Variants in CFAP119 observed in about 807,000 individuals in gnomAD.
CFAP119 encodes cilia- and flagella-associated protein 119.
the CFAP119 span, chr16:30,760,306 C>G: frequency 6.2e-7 from 1 of 1,614,186 alleles, no homozygotes; most frequent in Non-Finnish European, 8.5e-7. Context: ...TGTGAAGATC[C>G]TGGAGCAGGG....
the CFAP119 span, chr16:30,759,379 C>G: frequency 2.5e-6 from 4 of 1,614,174 alleles, no homozygotes; most frequent in Non-Finnish European, 3.4e-6. Flanking sequence ...CTTGAAGTGG[C>G]GGAAGTAAGT....
chr16:30,759,049 C>T, the CFAP119 span: 2 of 1,613,762 alleles, frequency 1.2e-6, no homozygotes, highest in South Asian at 1.1e-5. Context: ...TCTCTAGTTC[C>T]TCTTTCTGCG....
the CFAP119 span, chr16:30,761,574 C>CCGCTTT: frequency 6.5e-7 from 1 of 1,536,176 alleles, no homozygotes; most frequent in Middle Eastern, 1.7e-4. Context: ...GGGTCTTCAT[C>CCGCTTT]CGCTTTCGCC....
At chr16:30,757,816 AG>A in the CFAP119 span, 1 of 1,415,584 alleles carries the variant, frequency 7.1e-7, no homozygotes, top group Non-Finnish European at 9.2e-7. Flanking sequence ...CTTGTGTGAG[AG>A]GTAGTTGGGT....
chr16:30,760,586 A>G, the CFAP119 span: 2 of 1,562,358 alleles, frequency 1.3e-6, no homozygotes, highest in Admixed American at 1.9e-5. Context: ...AGCTCTTCCC[A>G]CGCCCCCCTC....
the CFAP119 span, chr16:30,757,652 G>C: frequency 1.6e-5 from 26 of 1,609,440 alleles, no homozygotes; most frequent in Non-Finnish European, 2.0e-5. Flanking sequence ...ACGTGGATGT[G>C]GCCTGCAGGG....
the CFAP119 span, chr16:30,759,012 T>TTGGCTC: frequency 6.2e-7 from 1 of 1,614,224 alleles, no homozygotes; most frequent in African/African-American, 1.3e-5. Context: ...AGATCCTCAC[T>TTGGCTC]TGGCTCTGGC....
chr16:30,757,769 A>AG, the CFAP119 span: 9 of 1,449,310 alleles, frequency 6.2e-6, no homozygotes, highest in Non-Finnish European at 6.3e-6. Context: ...ATATAGAGGT[A>AG]GCAATGTTGT....
At chr16:30,760,137 G>C in the CFAP119 span, 5 of 1,562,498 alleles carry the variant, frequency 3.2e-6, no homozygotes, top group Non-Finnish European at 3.4e-6. Flanking sequence ...GCAGTGGATT[G>C]GAAAGCTGAT....
At chr16:30,760,949 C>A in the CFAP119 span, 1 of 610,296 alleles carries the variant, frequency 1.6e-6, no homozygotes, top group Non-Finnish European at 2.9e-6. Context: ...CTCAGTGTCC[C>A]CCTCTGTACA....
chr16:30,761,174 T>A, the CFAP119 span: 2 of 1,612,892 alleles, frequency 1.2e-6, no homozygotes, highest in Non-Finnish European at 1.7e-6. Context: ...ATATTCAGTG[T>A]AATTTTTGTC....
At chr16:30,760,629 C>A in the CFAP119 span, 1 of 1,556,740 alleles carries the variant, frequency 6.4e-7, no homozygotes, top group South Asian at 1.2e-5. Context: ...CATTGGTGGT[C>A]TTCTCCAGCT....
At chr16:30,761,121 C>T in the CFAP119 span, 5 of 1,534,164 alleles carry the variant, frequency 3.3e-6, no homozygotes, top group Non-Finnish European at 3.6e-6. Context: ...TGGGGATGCC[C>T]TGGCCACAGA....
At chr16:30,759,420 C>G in the CFAP119 span, 94 of 1,614,114 alleles carry the variant, frequency 5.8e-5, no homozygotes, top group Non-Finnish European at 7.7e-5. Flanking sequence ...AGGCCAGCAG[C>G]TGTTCCTCTT....
At chr16:30,761,999 C>G in the CFAP119 span, 1 of 537,828 alleles carries the variant, frequency 1.9e-6, no homozygotes, top group South Asian at 2.6e-5. Context: ...GCGAAGAGAA[C>G]GCGCAGATAC....
the CFAP119 span, chr16:30,757,699 C>A: frequency 6.4e-7 from 1 of 1,565,876 alleles, no homozygotes; most frequent in Non-Finnish European, 8.7e-7. Context: ...GAGATGCTGT[C>A]TGGCAATGGG....
chr16:30,760,163 A>C, the CFAP119 span: 2 of 1,591,344 alleles, frequency 1.3e-6, no homozygotes, highest in Non-Finnish European at 8.5e-7. Context: ...GTGTATGATG[A>C]TGCTACTAAT....
At chr16:30,758,671 T>C in the CFAP119 span, 2 of 316,276 alleles carry the variant, frequency 6.3e-6, no homozygotes, top group South Asian at 2.9e-5. Context: ...TTCTCCTGCC[T>C]CAGCCTCCTG....
chr16:30,762,028 C>T, the CFAP119 span: 7 of 496,048 alleles, frequency 1.4e-5, no homozygotes, highest in Non-Finnish European at 2.5e-5. Context: ...TTGCGAGTGC[C>T]CACCTGGGCG....
Sources: gnomAD v4.1 joint callset for allele counts on GRCh38, gnomAD v4.1.1 for gene constraint, MANE v1.5 for transcripts, NCBI Gene and HGNC (gene_info 2026-07-23, HGNC 2026-07-21) for gene names.